Variants in NFIB observed in about 807,000 individuals in gnomAD.
NFIB encodes nuclear factor 1 B-type.
A neutral mutation model predicts 61.5 loss-of-function variants in NFIB; 11 were observed. The observed-to-expected ratio is 0.18, with a 90% CI of 0.11 to 0.30. The LOEUF (loss-of-function observed/expected upper bound fraction) is 0.30. Among genes scored for constraint, NFIB ranks in the 10% least tolerant of loss-of-function variants. NFIB has a pLI of 1.00. For missense variants in NFIB, 471 were observed against 608.9 expected, an observed-to-expected ratio of 0.77 and a Z score of 2.38; for synonymous variants, 260 against 216.5, an observed-to-expected ratio of 1.20 and a Z score of -1.76.
chr9:14,381,323 C>T (rs1465449934), intron 1 of NFIB, among the ~76,000 whole-genome samples: 2 of 151,956 alleles, frequency 1.3e-5, no homozygotes, highest in African/African-American at 4.8e-5. Context: ...TCCTGAAGAG[C>T]TGAGACCATA....
At chr9:14,529,035 T>C in the NFIB span, among the ~76,000 whole-genome samples, 78 of 152,280 alleles carry the variant, frequency 5.1e-4, 1 homozygote, top group Admixed American at 9.2e-4. Context: ...AAGTAAAATA[T>C]ATAAGGATGC....
chr9:14,445,113 G>T, the NFIB span, among the ~76,000 whole-genome samples: 3 of 152,002 alleles, frequency 2.0e-5, no homozygotes, highest in Non-Finnish European at 4.4e-5. Flanking sequence ...GTGCTTTCTG[G>T]CCCCAACTAT....
intron 6 of NFIB, among the ~76,000 whole-genome samples, chr9:14,132,604 ACT>A (rs1434861635): frequency 6.6e-5 from 10 of 151,926 alleles, no homozygotes; most frequent in African/African-American, 2.4e-5. Context: ...ACAAGGTCTC[ACT>A]CTGTTGCCCA....
the NFIB span, among the ~76,000 whole-genome samples, chr9:14,433,171 T>C: frequency 2.0e-5 from 3 of 152,180 alleles, no homozygotes; most frequent in Non-Finnish European, 4.4e-5. Context: ...GTCCATGTTT[T>C]TAAGTCCTGG....
chr9:14,499,714 T>C, the NFIB span, among the ~76,000 whole-genome samples: 1 of 152,110 alleles, frequency 6.6e-6, no homozygotes, highest in Non-Finnish European at 1.5e-5. Context: ...TGAGCCTCAA[T>C]CTTTTGAGTG....
exon 1 of NFIB, chr9:14,398,885 C>T (rs1165678966): frequency 1.1e-5 from 4 of 368,408 alleles, no homozygotes; most frequent in Non-Finnish European, 9.7e-6. Context: ...AGTCTTGCTC[C>T]GACATGTGAA....
At chr9:14,483,928 G>C in the NFIB span, among the ~76,000 whole-genome samples, 1 of 152,162 alleles carries the variant, frequency 6.6e-6, no homozygotes, top group African/African-American at 2.4e-5. Context: ...TCATCAGGAA[G>C]CTACAACTGA....
At chr9:14,098,510 C>A (rs2035232436) in intron 10 of NFIB, among the ~76,000 whole-genome samples, 1 of 152,214 alleles carries the variant, frequency 6.6e-6, no homozygotes. Flanking sequence ...TTCTGACTAT[C>A]ACTTTAAGAA....
intron 1 of NFIB, among the ~76,000 whole-genome samples, chr9:14,345,698 G>T (rs552537024): frequency 2.3e-3 from 352 of 152,292 alleles, no homozygotes; most frequent in African/African-American, 7.9e-3. Flanking sequence ...TCTCCGTGGA[G>T]TTTGGTACTT....
At chr9:14,237,504 A>C (rs1157779182) in intron 2 of NFIB, among the ~76,000 whole-genome samples, 3 of 152,146 alleles carry the variant, frequency 2.0e-5, no homozygotes, top group African/African-American at 7.2e-5. Context: ...GTACCTTCTC[A>C]TTAAACAGAG....
At chr9:14,303,967 AAT>A (rs1239641713) in intron 2 of NFIB, among the ~76,000 whole-genome samples, 3 of 152,250 alleles carry the variant, frequency 2.0e-5, no homozygotes, top group Admixed American at 6.5e-5. Flanking sequence ...AGCCTTTGCT[AAT>A]ATAAGGAAAT....
At position 14,085,835 on chromosome 9, in the gene NFIB, G is replaced by A. The variant is rs2032788794; in HGVS notation, c.*2474C>T. 4.5e-6 allele frequency: 1 copy of A among 221,770 alleles called. No homozygotes were observed. The highest frequency in any genetic ancestry group is 9.0e-6 in the Non-Finnish European group (1 of 110,750). 13.7% of individuals were successfully genotyped at this position (221,770 alleles called of 1,614,324 possible). On this transcript the variant is annotated 3_prime_UTR_variant, in exon 11 of 11. Coordinates refer to ENST00000380953, the MANE Select transcript of NFIB (RefSeq NM_001190737.2). ...GGAGACTCCCTCCAACAGGTCTAAT[G>A]TGTTTTCTAGGAGAAAGAATATTCA...
intron 6 of NFIB, among the ~76,000 whole-genome samples, chr9:14,142,528 G>A (rs1291719880): frequency 3.3e-5 from 5 of 151,908 alleles, no homozygotes; most frequent in South Asian, 2.1e-4. Context: ...TGAATTAGAC[G>A]AAAAACTATG....
At chr9:14,373,540 T>C (rs551886038) in intron 1 of NFIB, among the ~76,000 whole-genome samples, 3 of 152,274 alleles carry the variant, frequency 2.0e-5, no homozygotes, top group Admixed American at 1.3e-4. Context: ...GGGAAGTTGA[T>C]GAACTTTTAA....
At chr9:14,507,993 C>CATAT in the NFIB span, among the ~76,000 whole-genome samples, 1 of 147,924 alleles carries the variant, frequency 6.8e-6, no homozygotes. Context: ...CACACACACA[C>CATAT]ATATATATAT....
chr9:14,190,345 T>C (rs774805855), intron 2 of NFIB, among the ~76,000 whole-genome samples: 4 of 152,196 alleles, frequency 2.6e-5, no homozygotes, highest in Non-Finnish European at 5.9e-5. Flanking sequence ...TAGCCTACTT[T>C]CTACAAAGGT....
chr9:14,336,685 T>C (rs900133550), intron 1 of NFIB, among the ~76,000 whole-genome samples: 76 of 152,352 alleles, frequency 5.0e-4, no homozygotes, highest in African/African-American at 1.7e-3. Context: ...CCAGAGCCTG[T>C]GCTTAGAAAG....
intron 2 of NFIB, among the ~76,000 whole-genome samples, chr9:14,197,105 C>T (rs1160399406): frequency 1.3e-5 from 2 of 152,224 alleles, no homozygotes; most frequent in South Asian, 2.1e-4. Flanking sequence ...TTTTCATCTA[C>T]ATTACTTTGC....
intron 1 of NFIB, among the ~76,000 whole-genome samples, chr9:14,385,506 C>T (rs1221579245): frequency 1.3e-5 from 2 of 152,132 alleles, no homozygotes; most frequent in Non-Finnish European, 2.9e-5. Context: ...TACATCTAAA[C>T]ATAAAATTAA....
Sources: allele counts gnomAD v4.1 joint callset (sites outside exome capture counted in the v4.1 genomes callset), GRCh38; gene constraint gnomAD v4.1.1; transcripts MANE v1.5; gene names NCBI Gene and HGNC (gene_info 2026-07-23, HGNC 2026-07-21).